PCDHGA8: variants seen among roughly 807,000 people sequenced by gnomAD.
PCDHGA8 encodes the protein protocadherin gamma-A8.
A neutral mutation model predicts 59.2 loss-of-function variants in PCDHGA8; 45 were observed. The ratio of observed to expected loss-of-function variants is 0.76; its 90% CI spans 0.60 to 0.98. The LOEUF (loss-of-function observed/expected upper bound fraction) is 0.98, where lower values mean the gene tolerates loss of function less well. Among genes scored for constraint, PCDHGA8 ranks in the 50% least tolerant of loss-of-function variants. The pLI, the probability that PCDHGA8 is intolerant of heterozygous loss-of-function variation, is 0.00. For missense variants in PCDHGA8, 1,257 were observed against 1,196.2 expected, an observed-to-expected ratio of 1.05 and a Z score of -0.75; for synonymous variants, 531 against 519.0, an observed-to-expected ratio of 1.02 and a Z score of -0.32.
chr5:141,393,656 C>T lies in PCDHGA8; in HGVS notation c.843C>T (p.Phe281=), dbSNP rs762750239. The change falls in exon 1 of 4, where the codon TTC becomes TTT. Residue 281 remains phenylalanine (F), a synonymous_variant. Coordinates refer to ENST00000398604, the MANE Select transcript of PCDHGA8 (RefSeq NM_032088.2). ...TCAACGGAAAAGTGGCATACAAATT[C>T]CGGAAAATTAATGAAAAACAAACTC... ...EGINGKVAYK[F]RKINEKQTPL... 1.2e-6 allele frequency: 2 copies of T among 1,613,868 alleles called. No homozygotes were observed. The highest frequency in any genetic ancestry group is 4.5e-5 in the East Asian group (2 of 44,888).
chr5:141,443,064 G>A (rs76234738), intron 1 of PCDHGA8, among the ~76,000 whole-genome samples: 48 of 152,264 alleles, frequency 3.2e-4, no homozygotes, highest in African/African-American at 1.1e-3. Context: ...ACTGAAGAGC[G>A]TCTTATGACT....
At chr5:141,480,781 G>A (rs2099525581) in intron 1 of PCDHGA8, among the ~76,000 whole-genome samples, 1 of 152,174 alleles carries the variant, frequency 6.6e-6, no homozygotes, top group Admixed American at 6.5e-5. Flanking sequence ...CTAATGTGCA[G>A]ACAAATTTGA....
chr5:141,396,595 G>C (rs1227428439), intron 1 of PCDHGA8: 1 of 151,972 alleles, frequency 6.6e-6, no homozygotes, highest in African/African-American at 2.4e-5. Flanking sequence ...ACTCCAGCCT[G>C]GGCAACAGGG....
At position 141,395,109 on chromosome 5, in the gene PCDHGA8, A is replaced by C. The variant is rs1181706209; in HGVS notation, c.2296A>C (p.Ser766Arg). The C allele has an allele frequency of 6.2e-7, 1 of 1,614,210 alleles. No homozygotes were observed. The highest frequency in any genetic ancestry group is 8.5e-7 in the Non-Finnish European group (1 of 1,180,042). ...CTCCCTCACCGCCGACTCGCGGAAG[A>C]GTCACCTGATCTTTCCCCAGCCCAA... ...EVSLTADSRK[S>R]HLIFPQPNYA... The change falls in exon 1 of 4, where the codon AGT (serine) becomes CGT (arginine). Residue 766 changes from serine (S) to arginine (R), a missense_variant. Ser to Arg is a moderately radical substitution (Grantham distance 110, BLOSUM62 -1). Coordinates refer to ENST00000398604, the MANE Select transcript of PCDHGA8 (RefSeq NM_032088.2).
Position 141,409,996 on chromosome 5 carries a change from G to C in PCDHGA8, c.2424+14759G>C, listed in dbSNP as rs1561724976. 8.7e-6 allele frequency: 14 copies of C among 1,613,014 alleles called. No homozygotes were observed. The Admixed American group carries it at 1.8e-4, about 21-fold the overall frequency. On this transcript the variant is annotated intron_variant, in intron 1 of 3. Transcript: ENST00000398604. ...AGGTGGTAGCGGTGGACGCCGACTC[G>C]GGACACAACGCCTGGCTGTCCTACC...
rs759909698 is a variant in PCDHGA8 at position 141,394,094 on chromosome 5, A to G, written c.1281A>G (p.Leu427=). 6.2e-7 allele frequency: 1 copy of G among 1,613,934 alleles called. No homozygotes were observed. Among genetic ancestry groups the G allele is most frequent in the Admixed American group, 1.7e-5 (1 of 60,004 alleles). ...IYNITVMASD[L]GTPPLSTETQ... is the part of the protein sequence containing the mutation. ...ATATCACAGTGATGGCCTCAGATCT[A>G]GGAACACCACCTCTGTCCACTGAAA... Residue 427 remains leucine, a synonymous_variant, in exon 1 of 4, where the codon CTA becomes CTG. Transcript: ENST00000398604.
At chr5:141,510,682 GA>G (rs1303501817) in intron 3 of PCDHGA8, among the ~76,000 whole-genome samples, 6 of 152,154 alleles carry the variant, frequency 3.9e-5, no homozygotes, top group Non-Finnish European at 8.8e-5. Flanking sequence ...GTGGCATAAG[GA>G]GGTTAGGTAG....
intron 1 of PCDHGA8, among the ~76,000 whole-genome samples, chr5:141,462,736 T>C (rs2099045667): frequency 6.6e-6 from 1 of 152,274 alleles, no homozygotes; most frequent in South Asian, 2.1e-4. Flanking sequence ...TTGTCACCTC[T>C]GTAATTCCTA....
At chr5:141,503,801 G>A (rs920669425) in intron 2 of PCDHGA8, among the ~76,000 whole-genome samples, 1 of 151,990 alleles carries the variant, frequency 6.6e-6, no homozygotes, top group Admixed American at 6.6e-5. Flanking sequence ...ACTTAGGGAC[G>A]GGGAATCCCA....
rs1193620622 is a variant in PCDHGA8, at chr5:141,512,906, G to A, written c.*1733G>A. On this transcript the variant is annotated 3_prime_UTR_variant, in exon 4 of 4. Coordinates refer to ENST00000398604, the MANE Select transcript of PCDHGA8 (RefSeq NM_032088.2). ...CACCCTCTTCCTGTGTCTCACGCAA[G>A]TTTTATACTCTAATATTTATATGGC... 2.0e-5 allele frequency: 3 copies of A among 152,206 alleles called. No homozygotes were observed. Among genetic ancestry groups the A allele is most frequent in the African/African-American group, 7.2e-5 (3 of 41,438 alleles). The allele number at this position is 152,206 out of a possible 1,614,324, so 9.4% of individuals were successfully genotyped here.
At chr5:141,408,450 A>C in intron 1 of PCDHGA8, 1 of 1,613,944 alleles carries the variant, frequency 6.2e-7, no homozygotes, top group Non-Finnish European at 8.5e-7. Flanking sequence ...GAGAGCGGGG[A>C]CTTACTTGTG....
At chr5:141,426,004 C>T (rs573455573) in intron 1 of PCDHGA8, among the ~76,000 whole-genome samples, 10 of 152,264 alleles carry the variant, frequency 6.6e-5, no homozygotes, top group Non-Finnish European at 8.8e-5. Flanking sequence ...CAAAGGCTTC[C>T]GGCTGCAGTT....
intron 2 of PCDHGA8, among the ~76,000 whole-genome samples, chr5:141,502,404 C>G (rs1270930372): frequency 6.6e-6 from 1 of 151,880 alleles, no homozygotes; most frequent in African/African-American, 2.4e-5. Context: ...TGTCCCCGAA[C>G]CTGGATTTGC....
Position 141,487,682 on chromosome 5 carries a change from G to A in PCDHGA8, c.2425-7125G>A, listed in dbSNP as rs757434520. On this transcript the variant is annotated intron_variant, in intron 1 of 3. Transcript: ENST00000398604. This position sits in a 1 kb window ranked among gnomAD's most constrained non-coding sequence, Gnocchi z 5.0. ...TGATCCAGGCATATGGCTAGGCCATGTCCTAGAGAGTACTGGCCTCTCAGT... is the reference window on the plus strand; with the variant it reads ...TGATCCAGGCATATGGCTAGGCCATATCCTAGAGAGTACTGGCCTCTCAGT... The A allele has an allele frequency of 1.2e-6, 2 of 1,607,256 alleles. No individual in the cohort carries two copies. Among genetic ancestry groups the A allele is most frequent in the East Asian group, 4.5e-5 (2 of 44,762 alleles).
Position 141,491,826 on chromosome 5 carries a change from C to A in PCDHGA8, c.2425-2981C>A. 1 of 1,477,526 alleles carries A rather than the reference C, an allele frequency of 6.8e-7. No homozygotes were observed. The highest frequency in any genetic ancestry group is 9.0e-7 in the Non-Finnish European group (1 of 1,114,486). The allele number at this position is 1,477,526 out of a possible 1,614,324, so 91.5% of individuals were successfully genotyped here. A position where few individuals can be genotyped will look rare whatever the true frequency, so the allele number is the denominator to read the frequency against. ...GGCTTGGTCGCTGGCTGCGCTCCAC[C>A]CGATTCTCGGGATCATTGGACCGTT... On this transcript the variant is annotated intron_variant, in intron 1 of 3. Transcript: ENST00000398604. The surrounding 1 kb of genome is among the most constrained non-coding windows in gnomAD (Gnocchi z 6.9).
intron 1 of PCDHGA8, chr5:141,433,042 G>A (rs752612411): frequency 6.2e-6 from 10 of 1,614,142 alleles, no homozygotes; most frequent in Non-Finnish European, 7.6e-6. Flanking sequence ...CCCTCACCAC[G>A]GACTCGCGGA....
At chr5:141,425,822 A>G (rs1257213242) in intron 1 of PCDHGA8, among the ~76,000 whole-genome samples, 1 of 152,240 alleles carries the variant, frequency 6.6e-6, no homozygotes, top group Non-Finnish European at 1.5e-5. Context: ...GAAAAAAACA[A>G]ACTTTTAAAT....
At chr5:141,445,781 G>A (rs1424622281) in intron 1 of PCDHGA8, among the ~76,000 whole-genome samples, 25 of 152,112 alleles carry the variant, frequency 1.6e-4, no homozygotes, top group Admixed American at 1.6e-3. Flanking sequence ...AAAGGGCTAG[G>A]GAGGCTAGAA....
At chr5:141,471,078 T>C (rs1370939177) in intron 1 of PCDHGA8, among the ~76,000 whole-genome samples, 1 of 142,250 alleles carries the variant, frequency 7.0e-6, no homozygotes, top group Non-Finnish European at 1.5e-5. Context: ...AGACAGGGTC[T>C]CCCTCTGTTG....
Sources: allele counts gnomAD v4.1 joint callset (sites outside exome capture counted in the v4.1 genomes callset), GRCh38; gene constraint gnomAD v4.1.1; non-coding constraint Gnocchi (gnomAD v3.1); transcripts MANE v1.5; gene names NCBI Gene and HGNC (gene_info 2026-07-23, HGNC 2026-07-21).